DACT1: variants seen among roughly 807,000 people sequenced by gnomAD.
The protein encoded by DACT1 is dapper homolog 1.
Under a neutral mutation model 35.3 loss-of-function variants are expected in DACT1, and 19 were observed. That is an observed-to-expected ratio of 0.54 (90% CI 0.38 to 0.79). The LOEUF (loss-of-function observed/expected upper bound fraction) is 0.79. Ranked by LOEUF, DACT1 falls within the 30% of genes least tolerant of loss-of-function variation. The probability of loss-of-function intolerance (pLI) is 0.00; values close to 1 mark genes in which losing one functional copy is unlikely to be tolerated. For missense variants in DACT1, 1,143 were observed against 1,057.5 expected, an observed-to-expected ratio of 1.08 and a Z score of -1.12; for synonymous variants, 545 against 466.7, an observed-to-expected ratio of 1.17 and a Z score of -2.16.
intron 1 of DACT1, chr14:58,639,183 G>T: frequency 1.1e-5 from 11 of 985,434 alleles, no homozygotes; most frequent in Non-Finnish European, 1.3e-5. Flanking sequence ...GCTGGAGACT[G>T]TGTCCCCTCC....
rs754946471 is a variant in DACT1 at position 58,645,404 on chromosome 14, A to G, written c.670A>G (p.Lys224Glu). 2.5e-6 allele frequency: 4 copies of G among 1,614,094 alleles called. No individual in the cohort carries two copies. The highest frequency in any genetic ancestry group is 3.3e-5 in the Admixed American group (2 of 60,010). Reference sequence around the variant, plus strand: ...CAAGTACCAGTGTGATCTGGTGTCTAAAAACGGGAATGATGTATATCGCTA... The same window carrying G: ...CAAGTACCAGTGTGATCTGGTGTCTGAAAACGGGAATGATGTATATCGCTA... ...NPKYQCDLVSKNGNDVYRYPS... is the reference protein window; with the variant it reads ...NPKYQCDLVSENGNDVYRYPS... The change falls in exon 4 of 4, where the codon AAA becomes GAA. Residue 224 changes from lysine (K) to glutamate (E), a missense_variant. By Grantham distance (56) the Lys-to-Glu change is moderately conservative. This residue lies in a region of DACT1 where 1,054 missense variants were observed against 958.8 expected (regional missense o/e 1.10). Transcript: ENST00000395153.
At position 58,646,596 on chromosome 14, in the gene DACT1, A is replaced by G. The variant is rs199878465; in HGVS notation, c.1862A>G (p.His621Arg). 476 of 1,592,062 alleles carry G rather than the reference A, an allele frequency of 3.0e-4. 1 individual carries two copies. The highest frequency in any genetic ancestry group is 3.7e-4 in the Non-Finnish European group (434 of 1,169,540). ...GGCCACAGGGCGGGGAGCAGGGCGC[A>G]TGGCCACGGACGGGAGGCGGTGGTG... The part of the protein sequence containing the change: ...GGGHRAGSRA[H>R]GHGREAVVAK... Residue 621 changes from histidine to arginine, a missense_variant, in exon 4 of 4, where the codon CAT becomes CGT. Around this residue, in one of 3 missense-constraint regions of DACT1, gnomAD observed 1,054 missense variants for 958.8 expected, o/e 1.10. Coordinates refer to ENST00000395153, the MANE Select transcript of DACT1 (RefSeq NM_001079520.2).
At position 58,638,177 on chromosome 14, in the gene DACT1, C is replaced by G. The variant is rs921536183; in HGVS notation, c.-26C>G. On this transcript the variant is annotated 5_prime_UTR_variant, in exon 1 of 4. Coordinates refer to ENST00000395153, the MANE Select transcript of DACT1 (RefSeq NM_001079520.2). ...CGCCTGGGCGGCCCGGCTGCGGTGA[C>G]GGCTCTCGCTGCCCGACTGGGGGCC... The G allele has an allele frequency of 7.8e-7, 1 of 1,282,674 alleles. No individual in the cohort carries two copies. Among genetic ancestry groups the G allele is most frequent in the Non-Finnish European group, 9.8e-7 (1 of 1,016,126 alleles). The allele number at this position is 1,282,674 out of a possible 1,614,324, so 79.5% of individuals were successfully genotyped here.
At chr14:58,644,377 CAT>C (rs563547394) in intron 3 of DACT1, among the ~76,000 whole-genome samples, 35 of 152,224 alleles carry the variant, frequency 2.3e-4, no homozygotes, top group African/African-American at 7.7e-4. Context: ...AATTCTTTAT[CAT>C]ATTAAAAAAG....
At position 58,638,480 on chromosome 14, in the gene DACT1, C is replaced by G; in HGVS notation, c.278C>G (p.Ala93Gly). The part of the protein sequence containing the change: ...APRAGELLGE[A>G]AQRSRLEEKF... ...CGCGCTGGGGAGCTACTGGGGGAGG[C>G]GGCGCAGCGCAGTCGCCTGGAGGAG... The change falls in exon 1 of 4, where the codon GCG (alanine) becomes GGG (glycine). Residue 93 changes from alanine (A) to glycine (G), a missense_variant. Physicochemically the swap from Ala to Gly is moderately conservative, Grantham distance 60. Coordinates refer to ENST00000395153, the MANE Select transcript of DACT1 (RefSeq NM_001079520.2). The G allele has an allele frequency of 7.4e-7, 1 of 1,356,550 alleles. No homozygotes were observed. The highest frequency in any genetic ancestry group is 9.5e-7 in the Non-Finnish European group (1 of 1,048,992). The allele number at this position is 1,356,550 out of a possible 1,614,324, so 84.0% of individuals were successfully genotyped here.
At chr14:58,644,594 G>T (rs1304529853) in intron 3 of DACT1, among the ~76,000 whole-genome samples, 1 of 152,132 alleles carries the variant, frequency 6.6e-6, no homozygotes, top group Non-Finnish European at 1.5e-5. Flanking sequence ...AATCTGATCA[G>T]TTTTTACTGA....
At position 58,638,486 on chromosome 14, in the gene DACT1, A is replaced by G; in HGVS notation, c.284A>G (p.Gln95Arg). ...RAGELLGEAA[Q>R]RSRLEEKFLE... is the part of the protein sequence containing the mutation. ...GGGGAGCTACTGGGGGAGGCGGCGC[A>G]GCGCAGTCGCCTGGAGGAGAAGTTC... The change falls in exon 1 of 4, where the codon CAG becomes CGG. Residue 95 changes from glutamine (Q) to arginine (R), a missense_variant. Around this residue, in one of 3 missense-constraint regions of DACT1, gnomAD observed 1,054 missense variants for 958.8 expected, o/e 1.10. Transcript: ENST00000395153. 2 of 1,358,746 alleles carry G rather than the reference A, an allele frequency of 1.5e-6. No homozygotes were observed. The highest frequency in any genetic ancestry group is 1.9e-6 in the Non-Finnish European group (2 of 1,050,180). The allele number at this position is 1,358,746 out of a possible 1,614,324, so 84.2% of individuals were successfully genotyped here.
upstream of DACT1, among the ~76,000 whole-genome samples, chr14:58,636,898 A>G (rs190287508): frequency 3.3e-5 from 5 of 152,130 alleles, no homozygotes; most frequent in East Asian, 9.7e-4. Context: ...TGACCAATAC[A>G]TGATACTTCA....
At position 58,646,452 on chromosome 14, in the gene DACT1, A is replaced by C; in HGVS notation, c.1718A>C (p.Lys573Thr). Residue 573 changes from lysine (K) to threonine (T), a missense_variant, in exon 4 of 4, where the codon AAG (lysine) becomes ACG (threonine). Lys to Thr is a moderately conservative substitution (Grantham distance 78). This residue lies in a region of DACT1 where 1,054 missense variants were observed against 958.8 expected (regional missense o/e 1.10). Transcript: ENST00000395153. ...AGGGAGAAAACGCGGGCCGGGAGCA[A>C]GAAGTGTCGCTTCCCAGATGACTTG... Reference protein sequence around the residue: ...TVREKTRAGSKKCRFPDDLDT... With the variant: ...TVREKTRAGSTKCRFPDDLDT... 9 of 1,582,186 alleles carry C rather than the reference A, an allele frequency of 5.7e-6. No individual in the cohort carries two copies.
At chr14:58,643,851 G>C (rs1332328697) in intron 3 of DACT1, among the ~76,000 whole-genome samples, 1 of 152,118 alleles carries the variant, frequency 6.6e-6, no homozygotes, top group Non-Finnish European at 1.5e-5. Context: ...ATGTTAGCTA[G>C]AGAGGTTTCC....
chr14:58,634,913 C>A (rs1566986594), upstream of DACT1, among the ~76,000 whole-genome samples: 1 of 152,316 alleles, frequency 6.6e-6, no homozygotes, highest in East Asian at 1.9e-4. Context: ...TAAGTTAACA[C>A]CACTGTAATA....
At position 58,646,145 on chromosome 14, in the gene DACT1, A is replaced by G; in HGVS notation, c.1411A>G (p.Lys471Glu). 6.2e-7 allele frequency: 1 copy of G among 1,613,688 alleles called. No homozygotes were observed. The highest frequency in any genetic ancestry group is 8.5e-7 in the Non-Finnish European group (1 of 1,179,908). Residue 471 changes from lysine (K) to glutamate (E), a missense_variant, in exon 4 of 4, where the codon AAG becomes GAG. Lys to Glu is a moderately conservative substitution (Grantham distance 56). Around this residue, in one of 3 missense-constraint regions of DACT1, gnomAD observed 1,054 missense variants for 958.8 expected, o/e 1.10. Coordinates refer to ENST00000395153, the MANE Select transcript of DACT1 (RefSeq NM_001079520.2). ...QENKVVQPLKKMSQKNSLQGV... is the reference protein window; with the variant it reads ...QENKVVQPLKEMSQKNSLQGV... ...GAACAAAGTTGTACAGCCCCTGAAAAAGATGTCACAGAAAAACAGCCTGCA... is the reference window on the plus strand; with the variant it reads ...GAACAAAGTTGTACAGCCCCTGAAAGAGATGTCACAGAAAAACAGCCTGCA...
intron 1 of DACT1, chr14:58,638,871 T>G: frequency 9.4e-7 from 1 of 1,062,914 alleles, no homozygotes; most frequent in Non-Finnish European, 1.1e-6. Flanking sequence ...TCTCCTTAGT[T>G]AGATGAGTAT....
chr14:58,646,432 G>A lies in DACT1; in HGVS notation c.1698G>A (p.Glu566=), dbSNP rs1356467787. 6.3e-7 allele frequency: 1 copy of A among 1,593,396 alleles called. No homozygotes were observed. The highest frequency in any genetic ancestry group is 2.3e-5 in the East Asian group (1 of 44,256). Residue 566 remains glutamate, a synonymous_variant, in exon 4 of 4, where the codon GAG becomes GAA. Transcript: ENST00000395153. ...GLENGLPTVR[E]KTRAGSKKCR... is the part of the protein sequence containing the mutation. ...AGAACGGCTTGCCCACCGTCAGGGA[G>A]AAAACGCGGGCCGGGAGCAAGAAGT...
chr14:58,636,089 A>G (rs532234576), upstream of DACT1, among the ~76,000 whole-genome samples: 205 of 152,360 alleles, frequency 1.3e-3, no homozygotes, highest in Admixed American at 3.7e-3. Flanking sequence ...TTGTATGCTT[A>G]TGAACACCTG....
At chr14:58,640,677 C>T (rs1285152324) in intron 1 of DACT1, 59 bp from the exon 2 acceptor site, 20 of 1,599,390 alleles carry the variant, frequency 1.3e-5, no homozygotes, top group Non-Finnish European at 1.6e-5. Context: ...TTAGAGTAGA[C>T]TTTCTGGTTC....
rs771403994 is a variant in DACT1 at position 58,641,600 on chromosome 14, G to C, written c.487G>C (p.Glu163Gln). The change falls in exon 3 of 4, where the codon GAG becomes CAG. Residue 163 changes from glutamate (E) to glutamine (Q), a missense_variant. Glu to Gln is a conservative substitution (Grantham distance 29). This residue lies in a region of DACT1 where 1,054 missense variants were observed against 958.8 expected (regional missense o/e 1.10). Coordinates refer to ENST00000395153, the MANE Select transcript of DACT1 (RefSeq NM_001079520.2). Reference protein sequence around the residue: ...TDSRPSSGFYELSDGASGSLS... With the variant: ...TDSRPSSGFYQLSDGASGSLS... ...GGTGTTTTTATTTGTAGGGTTTTAT[G>C]AGCTGAGTGATGGGGCTTCAGGATC... The C allele has an allele frequency of 6.2e-7, 1 of 1,613,604 alleles. No homozygotes were observed. The highest frequency in any genetic ancestry group is 8.5e-7 in the Non-Finnish European group (1 of 1,179,852).
rs942068352 is a variant in DACT1, at chr14:58,641,647, G to A, written c.534G>A (p.Ser178=). Residue 178 remains serine (S), a synonymous_variant, in exon 3 of 4, where the codon TCG becomes TCA. Transcript: ENST00000395153. ...GATCCCTTTCCAATTCCTCTAACTC[G>A]GTGTTCAGTGAGTGTTTATCCAGTT... ...ASGSLSNSSN[S]VFSECLSSCH... 10 of 1,613,976 alleles carry A rather than the reference G, an allele frequency of 6.2e-6. No individual in the cohort carries two copies. The African/African-American group carries it at 1.1e-4, about 17-fold the overall frequency.
chr14:58,642,292 G>C (rs1023515120), intron 3 of DACT1, among the ~76,000 whole-genome samples: 4 of 151,926 alleles, frequency 2.6e-5, no homozygotes, highest in Non-Finnish European at 4.4e-5. Flanking sequence ...TTCAAGACCA[G>C]CCTGGCCAAC....
Sources: gnomAD v4.1 joint callset for allele counts (sites outside exome capture counted in the v4.1 genomes callset) on GRCh38, gnomAD v4.1.1 for gene constraint, gnomAD v4.1.1 regional missense constraint, MANE v1.5 for transcripts, NCBI Gene and HGNC (gene_info 2026-07-23, HGNC 2026-07-21) for gene names.